The following COLEC12 variants were observed in gnomAD, a reference collection of about 807,000 sequenced individuals.
The protein encoded by COLEC12 is collectin-12.
In COLEC12, 33 loss-of-function variants were observed where a neutral mutation model predicts 71.1. That is an observed-to-expected ratio of 0.46 (90% CI 0.35 to 0.62). COLEC12 has a LOEUF of 0.62. Among genes scored for constraint, COLEC12 ranks in the 20% least tolerant of loss-of-function variants. The pLI is 0.00. For missense variants in COLEC12, 765 were observed against 916.1 expected (o/e 0.84, Z 2.13); for synonymous variants, 350 against 353.0 (o/e 0.99, Z 0.10).
At position 500,384 on chromosome 18, in the gene COLEC12, A is replaced by C; in HGVS notation, c.7+124T>G. 1 of 482,448 alleles carries C rather than the reference A, an allele frequency of 2.1e-6. No individual in the cohort carries two copies. The highest frequency in any genetic ancestry group is 2.8e-6 in the Non-Finnish European group (1 of 354,042). 29.9% of individuals were successfully genotyped at this position (482,448 alleles called of 1,614,324 possible). On this transcript the variant is annotated intron_variant, in intron 1 of 9. Transcript: ENST00000400256. The surrounding 1 kb of genome is among the most constrained non-coding windows in gnomAD (Gnocchi z 5.3). ...CCGCGCACGAACCCGGCGCCCTGGC[A>C]GCCCCGACTCCCCGGGCCCGCAGCC...
At chr18:361,883 T>C (rs906952096) in intron 2 of COLEC12, among the ~76,000 whole-genome samples, 2 of 152,204 alleles carry the variant, frequency 1.3e-5, no homozygotes, top group African/African-American at 4.8e-5. Context: ...TGGGTGAGCT[T>C]CTTATGCCTC....
At chr18:425,080 T>C (rs1050875543) in intron 2 of COLEC12, among the ~76,000 whole-genome samples, 1 of 152,230 alleles carries the variant, frequency 6.6e-6, no homozygotes, top group Non-Finnish European at 1.5e-5. Context: ...AGGCATGATC[T>C]GTAACCTCTC....
In COLEC12 at chr18:332,648, C is replaced by T. The variant is rs556289684; in HGVS notation, c.1953+359G>A. Among the ~76,000 whole-genome samples, 19 of 152,264 alleles carry T rather than the reference C, an allele frequency of 1.2e-4. No individual in the cohort carries two copies. In the South Asian group the frequency reaches 2.3e-3, roughly 18 times the overall value. ...TCTTCCTGACTCCTCTGGAGCCATG[C>T]GTGGTCCCTTGCACCCCACTCCATC... is the stretch of plus-strand genomic sequence containing the variant. On this transcript the variant is annotated intron_variant, in intron 7 of 9. Coordinates refer to ENST00000400256, the MANE Select transcript of COLEC12 (RefSeq NM_130386.3).
chr18:321,373 C>T (rs765371883), intron 9 of COLEC12, among the ~76,000 whole-genome samples: 5 of 152,172 alleles, frequency 3.3e-5, no homozygotes, highest in African/African-American at 4.8e-5. Context: ...TTTTAAAGAA[C>T]AATTAACTCA....
At chr18:458,988 C>T (rs892497104) in intron 2 of COLEC12, among the ~76,000 whole-genome samples, 11 of 152,178 alleles carry the variant, frequency 7.2e-5, no homozygotes, top group African/African-American at 2.7e-4. Context: ...ACATGCTCCA[C>T]CATTCCAGGC....
intron 8 of COLEC12, among the ~76,000 whole-genome samples, chr18:331,327 G>A (rs1263510687): frequency 6.6e-6 from 1 of 152,246 alleles, no homozygotes; most frequent in East Asian, 1.9e-4. Context: ...GAACATGCCT[G>A]AGGTTGCCTG....
Position 319,799 on chromosome 18 carries a change from A to G in COLEC12, c.*246T>C. On this transcript the variant is annotated 3_prime_UTR_variant, in exon 10 of 10. Coordinates refer to ENST00000400256, the MANE Select transcript of COLEC12 (RefSeq NM_130386.3). Reference sequence around the variant, plus strand: ...TGTATAATCGCACGGTTACTGACGGAGGAGAATCTATGTGATTCAGTCCAT... The same window carrying G: ...TGTATAATCGCACGGTTACTGACGGGGGAGAATCTATGTGATTCAGTCCAT... 2 of 527,158 alleles carry G rather than the reference A, an allele frequency of 3.8e-6. No homozygotes were observed. Among genetic ancestry groups the G allele is most frequent in the Non-Finnish European group, 6.7e-6 (2 of 300,332 alleles). 32.7% of individuals were successfully genotyped at this position (527,158 alleles called of 1,614,324 possible).
chr18:364,956 T>A (rs1212360920), intron 2 of COLEC12, among the ~76,000 whole-genome samples: 1 of 152,118 alleles, frequency 6.6e-6, no homozygotes, highest in Non-Finnish European at 1.5e-5. Flanking sequence ...CCCAAATCTT[T>A]TGTGTGTTGC....
chr18:500,677 C>G lies in COLEC12; in HGVS notation c.-163G>C. 1 of 336,272 alleles carries G rather than the reference C, an allele frequency of 3.0e-6. No homozygotes were observed. 20.8% of individuals were successfully genotyped at this position (336,272 alleles called of 1,614,324 possible). A position where few individuals can be genotyped will look rare whatever the true frequency, so the allele number is the denominator to read the frequency against. On this transcript the variant is annotated 5_prime_UTR_variant, in exon 1 of 10. Coordinates refer to ENST00000400256, the MANE Select transcript of COLEC12 (RefSeq NM_130386.3). This position sits in a 1 kb window ranked among gnomAD's most constrained non-coding sequence, Gnocchi z 5.3. ...CTCGCCGCCGCCGGCCCGCGCTCCCCGCGCTCCCGGCTCCGCGCTCTGCTG... is the reference window on the plus strand; with the variant it reads ...CTCGCCGCCGCCGGCCCGCGCTCCCGGCGCTCCCGGCTCCGCGCTCTGCTG...
intron 2 of COLEC12, among the ~76,000 whole-genome samples, chr18:387,363 C>T (rs1336548188): frequency 6.6e-6 from 1 of 152,136 alleles, no homozygotes; most frequent in Admixed American, 6.5e-5. Flanking sequence ...TAGCAGACGA[C>T]AGCACCCTCT....
At position 466,269 on chromosome 18, in the gene COLEC12, A is replaced by T. The variant is rs190647601; in HGVS notation, c.58+14438T>A. Among the ~76,000 whole-genome samples the T allele has an allele frequency of 1.8e-3, 274 of 152,232 alleles. 1 individual carries two copies. The highest frequency in any genetic ancestry group is 0.014 in the Middle Eastern group (4 of 294). On this transcript the variant is annotated intron_variant, in intron 2 of 9. Coordinates refer to ENST00000400256, the MANE Select transcript of COLEC12 (RefSeq NM_130386.3). ...AACAAAAAACAAATAAAAAATTTTT[A>T]AAAAATGGTTACATAGACCAACCCC...
intron 2 of COLEC12, among the ~76,000 whole-genome samples, chr18:395,650 G>A (rs7236696): frequency 0.079 from 12,031 of 152,216 alleles, 611 homozygotes; most frequent in Admixed American, 0.14. Flanking sequence ...AGAGTCAGCC[G>A]ACAAATTGGA....
At chr18:458,807 C>T (rs1463062945) in intron 2 of COLEC12, among the ~76,000 whole-genome samples, 5 of 152,350 alleles carry the variant, frequency 3.3e-5, no homozygotes, top group African/African-American at 7.2e-5. Context: ...CACTGCACCT[C>T]GTGAACTTCT....
Position 333,104 on chromosome 18 carries a change from T to A in COLEC12, c.1856A>T (p.Tyr619Phe). The change falls in exon 7 of 10, where the codon TAC (tyrosine) becomes TTC (phenylalanine). Residue 619 changes from tyrosine (Y) to phenylalanine (F), a missense_variant. Coordinates refer to ENST00000400256, the MANE Select transcript of COLEC12 (RefSeq NM_130386.3). ...PHWKNFTDKC[Y>F]YFSVEKEIFE... is the part of the protein sequence containing the mutation. ...AATTTCTTTCTCAACTGAAAAATAG[T>A]AGCATTTGTCTGTGAAGTTCTTCCA... 6.2e-7 allele frequency: 1 copy of A among 1,611,222 alleles called. No individual in the cohort carries two copies. Among genetic ancestry groups the A allele is most frequent in the Admixed American group, 1.7e-5 (1 of 59,416 alleles).
intron 8 of COLEC12, among the ~76,000 whole-genome samples, chr18:329,031 G>C (rs1243513965): frequency 6.6e-6 from 1 of 152,162 alleles, no homozygotes; most frequent in Non-Finnish European, 1.5e-5. Context: ...TGGTGGCTGG[G>C]GTGCAGAAGC....
intron 7 of COLEC12, among the ~76,000 whole-genome samples, chr18:332,369 T>C (rs1349611596): frequency 1.3e-5 from 2 of 152,168 alleles, no homozygotes; most frequent in Admixed American, 1.3e-4. Flanking sequence ...AGGAGGCCAC[T>C]GGAATTGGTG....
Position 362,003 on chromosome 18 carries a change from G to T in COLEC12, c.59-4481C>A, listed in dbSNP as rs755161470. Reference sequence around the variant, plus strand: ...AGCTAGAAGGTTGTGCAGAGGTCAAGCGTCATTGTGTCATTGATGGGAAAA... The same window carrying T: ...AGCTAGAAGGTTGTGCAGAGGTCAATCGTCATTGTGTCATTGATGGGAAAA... On this transcript the variant is annotated intron_variant, in intron 2 of 9. Coordinates refer to ENST00000400256, the MANE Select transcript of COLEC12 (RefSeq NM_130386.3). The surrounding 1 kb of genome is among the most constrained non-coding windows in gnomAD (Gnocchi z 4.6). 2.4e-4 allele frequency among the ~76,000 whole-genome samples: 36 copies of T among 152,198 alleles called. No homozygotes were observed. Among genetic ancestry groups the T allele is most frequent in the Admixed American group, 5.9e-4 (9 of 15,288 alleles).
At chr18:452,264 T>C (rs543280776) in intron 2 of COLEC12, among the ~76,000 whole-genome samples, 4 of 152,344 alleles carry the variant, frequency 2.6e-5, no homozygotes, top group African/African-American at 9.6e-5. Flanking sequence ...GCAAATGTGG[T>C]TTCAAACTTC....
At chr18:405,605 C>G (rs537079085) in intron 2 of COLEC12, among the ~76,000 whole-genome samples, 65 of 152,264 alleles carry the variant, frequency 4.3e-4, no homozygotes, top group East Asian at 3.1e-3. Flanking sequence ...TAGGGTGGGG[C>G]TGTATAAGCT....
Sources: allele counts gnomAD v4.1 joint callset (sites outside exome capture counted in the v4.1 genomes callset), GRCh38; gene constraint gnomAD v4.1.1; non-coding constraint Gnocchi (gnomAD v3.1); transcripts MANE v1.5; gene names NCBI Gene and HGNC (gene_info 2026-07-23, HGNC 2026-07-21).